RAD51B: variants seen among roughly 807,000 people sequenced by gnomAD.
RAD51B encodes the protein RAD51 paralog B.
RAD51B carries 38 observed loss-of-function variants against 42.2 expected under a neutral mutation model. That is an observed-to-expected ratio of 0.90 (90% CI 0.70 to 1.18). The LOEUF (loss-of-function observed/expected upper bound fraction) is 1.18. Ranked by LOEUF, RAD51B falls within the 50% of genes most tolerant of loss-of-function variation. The probability of loss-of-function intolerance (pLI) is 0.00; values close to 1 mark genes in which losing one functional copy is unlikely to be tolerated. For synonymous variants in RAD51B, 154 were observed against 145.2 expected (o/e 1.06, Z -0.43); for missense variants, 373 against 400.7 (o/e 0.93, Z 0.59).
chr14:68,339,801 C>G (rs1262008178), intron 8 of RAD51B, among the ~76,000 whole-genome samples: 1 of 152,108 alleles, frequency 6.6e-6, no homozygotes, highest in Non-Finnish European at 1.5e-5. Flanking sequence ...GGAAATCTGC[C>G]TCTCCTAAGT....
chr14:68,426,370 C>G (rs1213354284), intron 9 of RAD51B, among the ~76,000 whole-genome samples: 1 of 152,012 alleles, frequency 6.6e-6, no homozygotes, highest in Non-Finnish European at 1.5e-5. Flanking sequence ...GCCACCGGGC[C>G]TGGTCAGTAA....
At chr14:68,239,733 C>G (rs1293819923) in intron 7 of RAD51B, among the ~76,000 whole-genome samples, 1 of 152,146 alleles carries the variant, frequency 6.6e-6, no homozygotes, top group Admixed American at 6.5e-5. Context: ...GCCTCTTTAC[C>G]TAGCAGACTC....
intron 7 of RAD51B, among the ~76,000 whole-genome samples, chr14:68,192,228 A>G (rs1217422595): frequency 6.6e-6 from 1 of 152,174 alleles, no homozygotes; most frequent in Non-Finnish European, 1.5e-5. Flanking sequence ...ATGGTTAATC[A>G]TAAGTTGCAG....
chr14:67,850,277 G>A (rs1185053358), intron 4 of RAD51B, among the ~76,000 whole-genome samples: 5 of 152,226 alleles, frequency 3.3e-5, no homozygotes, highest in Middle Eastern at 3.2e-3. Context: ...ACAGACATGA[G>A]TCACCGTGCC....
rs138295380 is a variant in RAD51B, at chr14:67,996,384, G to A, written c.756+109180G>A. ...GCACTCCAGCCTGTGTTGACAGAGT[G>A]AGATTCTTTCTCAAAAAATAACAAC... On this transcript the variant is annotated intron_variant, in intron 7 of 10. Coordinates refer to ENST00000471583, the MANE Select transcript of RAD51B (RefSeq NM_133510.4). Among the ~76,000 whole-genome samples, 23 of 151,366 alleles carry A rather than the reference G, an allele frequency of 1.5e-4. No individual in the cohort carries two copies. The East Asian group carries it at 4.5e-3, about 29-fold the overall frequency.
intron 8 of RAD51B, among the ~76,000 whole-genome samples, chr14:68,392,726 CGAG>C (rs534077360): frequency 2.0e-5 from 3 of 152,210 alleles, no homozygotes; most frequent in Non-Finnish European, 2.9e-5. Flanking sequence ...CCTCCTTTTC[CGAG>C]GAGGACACTG....
At chr14:68,383,907 T>A (rs2083535550) in intron 8 of RAD51B, among the ~76,000 whole-genome samples, 1 of 152,238 alleles carries the variant, frequency 6.6e-6, no homozygotes, top group Non-Finnish European at 1.5e-5. Flanking sequence ...CAGCCTGTTT[T>A]ACTGTACTAC....
At chr14:68,616,122 A>G (rs569331842), downstream of RAD51B, among the ~76,000 whole-genome samples, 37 of 152,292 alleles carry the variant, frequency 2.4e-4, no homozygotes, top group Middle Eastern at 3.4e-3. Context: ...TGCATATGTT[A>G]TGAACTCTAC....
chr14:68,636,173 A>G (rs1315552783), intron 10 of RAD51B, among the ~76,000 whole-genome samples: 1 of 152,238 alleles, frequency 6.6e-6, no homozygotes, highest in Non-Finnish European at 1.5e-5. Context: ...CGACTGGGGT[A>G]GACAGAGTCA....
At chr14:68,423,993 G>A (rs1330436692) in intron 9 of RAD51B, among the ~76,000 whole-genome samples, 1 of 152,092 alleles carries the variant, frequency 6.6e-6, no homozygotes, top group African/African-American at 2.4e-5. Flanking sequence ...CCTTTTCTGT[G>A]CTCTGGGTTT....
At position 67,823,572 on chromosome 14, in the gene RAD51B, G is replaced by A. The variant is rs772180717; in HGVS notation, c.29G>A (p.Gly10Asp). 6 of 1,613,618 alleles carry A rather than the reference G, an allele frequency of 3.7e-6. No homozygotes were observed. Among genetic ancestry groups the A allele is most frequent in the African/African-American group, 1.3e-5 (1 of 74,962 alleles). Residue 10 changes from glycine (G) to aspartate (D), a missense_variant, in exon 2 of 11, where the codon GGT (glycine) becomes GAT (aspartate). Transcript: ENST00000471583. MGSKKLKRVGLSQELCDRLS... is the reference protein window; with the variant it reads MGSKKLKRVDLSQELCDRLS... Reference sequence around the variant, plus strand: ...GGTAGCAAGAAACTAAAACGAGTGGGTTTATCACAAGAGCTGTGTGACCGT... The same window carrying A: ...GGTAGCAAGAAACTAAAACGAGTGGATTTATCACAAGAGCTGTGTGACCGT...
chr14:68,095,877 GA>G (rs1339744343), intron 7 of RAD51B, among the ~76,000 whole-genome samples: 1 of 150,484 alleles, frequency 6.6e-6, no homozygotes, highest in Non-Finnish European at 1.5e-5. Context: ...TCGGGAGGCT[GA>G]GGCAGGAGAA....
At chr14:68,582,889 A>T (rs575466420) in intron 10 of RAD51B, among the ~76,000 whole-genome samples, 2 of 152,344 alleles carry the variant, frequency 1.3e-5, no homozygotes, top group Admixed American at 6.5e-5. Flanking sequence ...TATTCTCAGC[A>T]AAGTGACACA....
At chr14:68,311,179 A>G (rs1043604426) in intron 8 of RAD51B, among the ~76,000 whole-genome samples, 11 of 152,270 alleles carry the variant, frequency 7.2e-5, no homozygotes. Flanking sequence ...AATGAGACTT[A>G]CTAAATAGGC....
At chr14:68,649,663 G>T (rs1434524947) in intron 10 of RAD51B, among the ~76,000 whole-genome samples, 1 of 152,166 alleles carries the variant, frequency 6.6e-6, no homozygotes, top group Non-Finnish European at 1.5e-5. Flanking sequence ...GGTCACCCTT[G>T]GGTCAAGTGC....
intron 11 of RAD51B, among the ~76,000 whole-genome samples, chr14:68,668,992 C>A (rs1233207897): frequency 2.6e-5 from 4 of 152,222 alleles, no homozygotes; most frequent in African/African-American, 7.2e-5. Context: ...GTGCTGGATT[C>A]TTTCTATTTT....
intron 10 of RAD51B, among the ~76,000 whole-genome samples, chr14:68,564,136 G>A (rs945815954): frequency 3.3e-5 from 5 of 152,216 alleles, no homozygotes; most frequent in Admixed American, 3.3e-4. Flanking sequence ...CTTTTTGGAA[G>A]GCTAGGCCCT....
chr14:68,449,450 G>A (rs979764780), intron 9 of RAD51B, among the ~76,000 whole-genome samples: 1 of 152,134 alleles, frequency 6.6e-6, no homozygotes, highest in African/African-American at 2.4e-5. Flanking sequence ...ATGTCTTTTA[G>A]TAAGGCCCAC....
intron 7 of RAD51B, among the ~76,000 whole-genome samples, chr14:67,972,574 A>C (rs1051742764): frequency 1.3e-5 from 2 of 152,164 alleles, no homozygotes; most frequent in African/African-American, 4.8e-5. Flanking sequence ...TGACTATTTA[A>C]TACTGGCAAG....
Sources: allele counts gnomAD v4.1 joint callset (sites outside exome capture counted in the v4.1 genomes callset), GRCh38; gene constraint gnomAD v4.1.1; transcripts MANE v1.5; gene names NCBI Gene and HGNC (gene_info 2026-07-23, HGNC 2026-07-21).